Variants in YEATS2 observed in about 807,000 individuals in gnomAD.
The protein encoded by YEATS2 is YEATS domain-containing protein 2.
In YEATS2, 77 loss-of-function variants were observed where a neutral mutation model predicts 163.2. The observed-to-expected ratio is 0.47, with a 90% confidence interval of 0.39 to 0.57. The LOEUF is 0.57. Ranked by LOEUF, YEATS2 falls within the 20% of genes least tolerant of loss-of-function variation. The pLI, the probability that YEATS2 is intolerant of heterozygous loss-of-function variation, is 0.00. For missense variants in YEATS2, 1,549 were observed against 1,729.8 expected (o/e 0.90, Z 1.85); for synonymous variants, 631 against 645.1 (o/e 0.98, Z 0.33).
At chr3:183,759,020 T>TA in intron 13 of YEATS2, 55 bp downstream of exon 13, 3 of 1,267,292 alleles carry the variant, frequency 2.4e-6, no homozygotes, top group East Asian at 2.6e-5. Flanking sequence ...TTTTCATTTT[T>TA]AAAAAATAAT....
chr3:183,803,370 C>T, intron 26 of YEATS2, 35 bp downstream of exon 26: 1 of 1,579,238 alleles, frequency 6.3e-7, no homozygotes, highest in Non-Finnish European at 8.7e-7. Context: ...CTGGCTGCCT[C>T]CAGAAACCTT....
intron 20 of YEATS2, among the ~76,000 whole-genome samples, chr3:183,787,023 C>T (rs569181689): frequency 2.6e-5 from 4 of 152,152 alleles, no homozygotes; most frequent in South Asian, 2.1e-4. Flanking sequence ...GACGAGATCT[C>T]GGCTCACTGG....
rs1030958104 is a variant in YEATS2, at chr3:183,798,943, C to T, written c.3279C>T (p.Ala1093=). The change falls in exon 23 of 31, where the codon GCC becomes GCT. Residue 1093 remains alanine, a synonymous_variant. Transcript: ENST00000305135. ...CACCTGCCATTCTGCCTGTAGCTGC[C>T]CCAACTCCAGTTGTCCCCAGCTCTG... ...SKPPAILPVA[A]PTPVVPSSAP... 6.2e-7 allele frequency: 1 copy of T among 1,614,174 alleles called. No individual in the cohort carries two copies. The highest frequency in any genetic ancestry group is 8.5e-7 in the Non-Finnish European group (1 of 1,180,022).
intron 1 of YEATS2, among the ~76,000 whole-genome samples, chr3:183,703,665 T>A (rs567778174): frequency 6.6e-6 from 1 of 152,292 alleles, no homozygotes; most frequent in East Asian, 1.9e-4. Context: ...AGATTTTGAT[T>A]TTTTTGATAG....
chr3:183,728,354 T>C (rs1294126449), intron 6 of YEATS2, among the ~76,000 whole-genome samples: 4 of 152,158 alleles, frequency 2.6e-5, no homozygotes, highest in Non-Finnish European at 4.4e-5. Context: ...CTGATTTTGC[T>C]CCCCTCTGGA....
At position 183,806,972 on chromosome 3, in the gene YEATS2, C is replaced by T. The variant is rs763632852; in HGVS notation, c.3891C>T (p.Leu1297=). 148 of 1,614,052 alleles carry T rather than the reference C, an allele frequency of 9.2e-5. No homozygotes were observed. The highest frequency in any genetic ancestry group is 8.5e-6 in the Non-Finnish European group (10 of 1,180,044). ...EPENEEEVDI[L]SLSEPVKINI... ...AGAATGAGGAGGAGGTGGACATCCT[C>T]AGCCTCTCCGAGCCAGTGAAGATAA... Residue 1297 remains leucine (L), a synonymous_variant, in exon 28 of 31, where the codon CTC becomes CTT. Coordinates refer to ENST00000305135, the MANE Select transcript of YEATS2 (RefSeq NM_018023.5).
intron 11 of YEATS2, among the ~76,000 whole-genome samples, chr3:183,754,635 G>A (rs1185977110): frequency 1.3e-5 from 2 of 152,174 alleles, no homozygotes; most frequent in East Asian, 3.8e-4. Context: ...TGTTTGCTAG[G>A]ATATATGGCT....
At chr3:183,754,681 A>G (rs1720530598) in intron 11 of YEATS2, among the ~76,000 whole-genome samples, 1 of 152,222 alleles carries the variant, frequency 6.6e-6, no homozygotes, top group African/African-American at 2.4e-5. Flanking sequence ...TGGGGATTAT[A>G]TACATGGAAA....
chr3:183,712,214 T>TTTATTTTATGTTATTTTATGTTACA (rs1715314518), intron 1 of YEATS2, among the ~76,000 whole-genome samples: 1 of 103,084 alleles, frequency 9.7e-6, no homozygotes, highest in African/African-American at 3.8e-5. Context: ...TTTATTTTAT[T>TTTATTTTATGTTATTTTATGTTACA]TTATTTTATT....
intron 16 of YEATS2, among the ~76,000 whole-genome samples, chr3:183,773,257 C>T (rs262963): frequency 0.055 from 8,414 of 152,166 alleles, 307 homozygotes; most frequent in Middle Eastern, 0.085. Context: ...AATATGTAAT[C>T]CTCCATAGAC....
intron 15 of YEATS2, among the ~76,000 whole-genome samples, chr3:183,769,274 T>C (rs1722218009): frequency 1.3e-4 from 2 of 15,544 alleles, no homozygotes; most frequent in South Asian, 0.011. Flanking sequence ...TATAATTCAC[T>C]CAAGATTAAT....
intron 11 of YEATS2, among the ~76,000 whole-genome samples, chr3:183,755,171 A>G (rs1720588117): frequency 6.6e-6 from 1 of 151,980 alleles, no homozygotes; most frequent in African/African-American, 2.4e-5. Context: ...GCTGGAGTGC[A>G]ATGGCGCGAT....
At chr3:183,806,128 T>TACGATGGCCTTGTCCAGATA in intron 27 of YEATS2, 1 of 365,140 alleles carries the variant, frequency 2.7e-6, no homozygotes, top group Non-Finnish European at 5.3e-6. Context: ...TACCTTGACT[T>TACGATGGCCTTGTCCAGATA]ACGATGGCCT....
At chr3:183,767,327 G>A (rs1008462002) in intron 15 of YEATS2, among the ~76,000 whole-genome samples, 1 of 152,144 alleles carries the variant, frequency 6.6e-6, no homozygotes. Flanking sequence ...CTGGGCTCAA[G>A]CTATACTCCT....
chr3:183,709,577 C>T (rs1714971914), intron 1 of YEATS2, among the ~76,000 whole-genome samples: 1 of 152,104 alleles, frequency 6.6e-6, no homozygotes, highest in African/African-American at 2.4e-5. Flanking sequence ...TCAAGTGATC[C>T]ACCTGCCTTG....
rs1357479377 is a variant in YEATS2, at chr3:183,697,852, C to G, written c.-161C>G. On this transcript the variant is annotated 5_prime_UTR_variant, in exon 1 of 31. Coordinates refer to ENST00000305135, the MANE Select transcript of YEATS2 (RefSeq NM_018023.5). ...AACGCGCCGGGCGGGCTCCACCGCG[C>G]CGTGTGCTTCCGCAGGTTGCGGGGG... The G allele has an allele frequency of 1.3e-5, 2 of 151,008 alleles. No homozygotes were observed. Among genetic ancestry groups the G allele is most frequent in the Non-Finnish European group, 3.0e-5 (2 of 67,682 alleles). 9.4% of individuals were successfully genotyped at this position (151,008 alleles called of 1,614,324 possible).
At chr3:183,793,717 A>G (rs1444875741) in intron 21 of YEATS2, among the ~76,000 whole-genome samples, 4 of 147,328 alleles carry the variant, frequency 2.7e-5, no homozygotes, top group African/African-American at 2.5e-5. Context: ...AGTTCCAGCG[A>G]TTCTCCTGCC....
intron 3 of YEATS2, 107 bp downstream of exon 3, chr3:183,717,855 C>A: frequency 4.7e-4 from 162 of 348,314 alleles, no homozygotes; most frequent in Middle Eastern, 8.9e-4. Flanking sequence ...TTATCCTCCT[C>A]TTTGCTTTTT....
In YEATS2 at chr3:183,754,206, A is replaced by G; in HGVS notation, c.1231A>G (p.Met411Val). 6.2e-7 allele frequency: 1 copy of G among 1,613,862 alleles called. No individual in the cohort carries two copies. Among genetic ancestry groups the G allele is most frequent in the Non-Finnish European group, 8.5e-7 (1 of 1,179,822 alleles). The stretch of plus-strand genomic sequence containing the variant: ...TTCATTGGAAAGAACACCCACCAAA[A>G]TGACTACATCCCAGAAAGTTACCTT... The part of the protein sequence containing the change: ...PSSLERTPTK[M>V]TTSQKVTFCS... Residue 411 changes from methionine to valine, a missense_variant, in exon 11 of 31, where the codon ATG becomes GTG. Coordinates refer to ENST00000305135, the MANE Select transcript of YEATS2 (RefSeq NM_018023.5).
Sources: gnomAD v4.1 joint callset for allele counts (sites outside exome capture counted in the v4.1 genomes callset) on GRCh38, gnomAD v4.1.1 for gene constraint, MANE v1.5 for transcripts, NCBI Gene and HGNC (gene_info 2026-07-23, HGNC 2026-07-21) for gene names.